The following NFIA variants were observed in gnomAD, a reference collection of about 807,000 sequenced individuals.
The protein encoded by NFIA is nuclear factor I A, also known as nuclear factor 1 A-type.
A neutral mutation model predicts 62.8 loss-of-function variants in NFIA; 8 were observed. The ratio of observed to expected loss-of-function variants is 0.13; its 90% CI spans 0.07 to 0.23. NFIA has a LOEUF of 0.23. NFIA is among the 10% of genes least tolerant of loss of function. The pLI, the probability that NFIA is intolerant of heterozygous loss-of-function variation, is 1.00. For synonymous variants in NFIA, 235 were observed against 238.1 expected, an observed-to-expected ratio of 0.99 and a Z score of 0.12; for missense variants, 410 against 642.1, an observed-to-expected ratio of 0.64 and a Z score of 3.91.
At chr1:61,215,394 A>G (rs780612734) in intron 2 of NFIA, among the ~76,000 whole-genome samples, 3 of 152,206 alleles carry the variant, frequency 2.0e-5, no homozygotes, top group Non-Finnish European at 4.4e-5. Flanking sequence ...AAACATTAAA[A>G]TCACCCACTG....
At chr1:61,163,059 G>C (rs1030564302) in intron 2 of NFIA, among the ~76,000 whole-genome samples, 16 of 152,050 alleles carry the variant, frequency 1.1e-4, no homozygotes, top group Admixed American at 1.0e-3. Context: ...TGAATCTCAA[G>C]AACTTAACTG....
intron 6 of NFIA, among the ~76,000 whole-genome samples, chr1:61,363,463 G>A (rs967735726): frequency 2.6e-5 from 4 of 152,036 alleles, no homozygotes; most frequent in Non-Finnish European, 4.4e-5. Context: ...AATTAGCTGC[G>A]CATGGTGCTG....
intron 6 of NFIA, among the ~76,000 whole-genome samples, chr1:61,374,110 G>T (rs1664037424): frequency 6.6e-6 from 1 of 152,002 alleles, no homozygotes; most frequent in Admixed American, 6.6e-5. Context: ...TATTGGGCAG[G>T]GCAGATATAA....
chr1:61,191,319 T>C (rs1404191241), intron 2 of NFIA, among the ~76,000 whole-genome samples: 1 of 152,146 alleles, frequency 6.6e-6, no homozygotes, highest in East Asian at 1.9e-4. Flanking sequence ...AATGACCAAA[T>C]GAATAGTAGT....
chr1:61,259,343 C>T (rs539132538), intron 2 of NFIA, among the ~76,000 whole-genome samples: 38 of 152,340 alleles, frequency 2.5e-4, no homozygotes, highest in African/African-American at 8.9e-4. Flanking sequence ...CCTTTAAAAT[C>T]TTGCCCGGAC....
intron 9 of NFIA, among the ~76,000 whole-genome samples, chr1:61,426,064 T>C (rs1422562192): frequency 6.6e-6 from 1 of 152,172 alleles, no homozygotes; most frequent in East Asian, 1.9e-4. Flanking sequence ...AAAAGCAAGC[T>C]TGTAAAATGA....
intron 9 of NFIA, among the ~76,000 whole-genome samples, chr1:61,421,127 T>G (rs1053351998): frequency 6.6e-6 from 1 of 152,178 alleles, no homozygotes; most frequent in African/African-American, 2.4e-5. Flanking sequence ...CCTGTAAGGC[T>G]TGTCCTGTTC....
intron 10 of NFIA, among the ~76,000 whole-genome samples, chr1:61,441,536 A>G (rs192802727): frequency 1.3e-5 from 2 of 152,252 alleles, no homozygotes; most frequent in South Asian, 2.1e-4. Context: ...CAGCATTTAC[A>G]TTTGTAATTT....
intron 4 of NFIA, among the ~76,000 whole-genome samples, chr1:61,333,723 C>T (rs1330630761): frequency 3.9e-5 from 6 of 152,180 alleles, no homozygotes; most frequent in African/African-American, 1.4e-4. Flanking sequence ...TGAGGCCAGG[C>T]ACGGTGGCTC....
chr1:61,215,773 C>A (rs893452195), intron 2 of NFIA, among the ~76,000 whole-genome samples: 2 of 152,200 alleles, frequency 1.3e-5, no homozygotes, highest in Non-Finnish European at 2.9e-5. Context: ...ACTTCACTAA[C>A]ATGATGAACA....
intron 5 of NFIA, among the ~76,000 whole-genome samples, chr1:61,357,472 G>C (rs1269878063): frequency 6.6e-6 from 1 of 152,162 alleles, no homozygotes; most frequent in Non-Finnish European, 1.5e-5. Flanking sequence ...ATGGCTGCCT[G>C]AGTGGTACAT....
At chr1:61,235,516 T>TA (rs200539366) in intron 2 of NFIA, among the ~76,000 whole-genome samples, 2,338 of 142,644 alleles carry the variant, frequency 0.016, 50 homozygotes, top group South Asian at 0.073. Flanking sequence ...AAATAAAAAA[T>TA]AAAAAAAAAT....
intron 2 of NFIA, among the ~76,000 whole-genome samples, chr1:61,149,997 T>G (rs1425272712): frequency 6.6e-6 from 1 of 152,112 alleles, no homozygotes; most frequent in Non-Finnish European, 1.5e-5. Flanking sequence ...AAGGTTTTCC[T>G]TTTTTTCCTC....
intron 2 of NFIA, among the ~76,000 whole-genome samples, chr1:61,089,695 C>CTTTT (rs918196815): frequency 6.5e-5 from 7 of 107,742 alleles, no homozygotes; most frequent in East Asian, 2.6e-4. Context: ...GTTTTTTTTT[C>CTTTT]TTTTTTTTTT....
At chr1:61,132,559 T>C (rs1647099947) in intron 2 of NFIA, 1 of 152,182 alleles carries the variant, frequency 6.6e-6, no homozygotes, top group East Asian at 1.9e-4. Flanking sequence ...AGATAGTGTC[T>C]TTTGGCATGG....
At chr1:61,311,445 A>G (rs1030928332) in intron 3 of NFIA, among the ~76,000 whole-genome samples, 3 of 152,154 alleles carry the variant, frequency 2.0e-5, no homozygotes, top group Non-Finnish European at 4.4e-5. Flanking sequence ...CAGTAAAAAT[A>G]AGGTCAAGGT....
chr1:61,207,974 CT>C (rs11444962), intron 2 of NFIA, among the ~76,000 whole-genome samples: 1,765 of 115,400 alleles, frequency 0.015, 8 homozygotes, highest in African/African-American at 0.048. Flanking sequence ...TGCACTGAAC[CT>C]TTTTTTTTTT....
chr1:61,461,270 C>A lies in NFIA; in HGVS notation c.*5950C>A, dbSNP rs1365998199. 1 of 151,918 alleles carries A rather than the reference C, an allele frequency of 6.6e-6. No homozygotes were observed. Among genetic ancestry groups the A allele is most frequent in the Non-Finnish European group, 1.5e-5 (1 of 67,994 alleles). 9.4% of individuals were successfully genotyped at this position (151,918 alleles called of 1,614,324 possible). ...GATCTGTCTTCACACCAGACCTCCT[C>A]ATATTAAAAGGAAAAATAAGAAAAA... On this transcript the variant is annotated 3_prime_UTR_variant, in exon 11 of 11. Coordinates refer to ENST00000403491, the MANE Select transcript of NFIA (RefSeq NM_001134673.4).
At chr1:61,360,675 T>C (rs143967574) in intron 6 of NFIA, among the ~76,000 whole-genome samples, 462 of 152,294 alleles carry the variant, frequency 3.0e-3, no homozygotes, top group Non-Finnish European at 5.1e-3. Flanking sequence ...GGGATGTGAC[T>C]ATAAAGGTGT....
Sources: allele counts gnomAD v4.1 joint callset (sites outside exome capture counted in the v4.1 genomes callset), GRCh38; gene constraint gnomAD v4.1.1; transcripts MANE v1.5; gene names NCBI Gene and HGNC (gene_info 2026-07-23, HGNC 2026-07-21).